RGPD4: variants seen among roughly 807,000 people sequenced by gnomAD.
RGPD4 encodes the protein RANBP2 like and GRIP domain containing 4.
Under a neutral mutation model 141.1 loss-of-function variants are expected in RGPD4, and 84 were observed. The observed-to-expected ratio is 0.60, with a 90% CI of 0.50 to 0.71. RGPD4 has a LOEUF of 0.71. Among genes scored for constraint, RGPD4 ranks in the 30% least tolerant of loss-of-function variants. The pLI is 0.00. For missense variants in RGPD4, 918 were observed against 1,622.4 expected, an observed-to-expected ratio of 0.57 and a Z score of 7.46; for synonymous variants, 298 against 566.8, an observed-to-expected ratio of 0.53 and a Z score of 6.74.
At chr2:107,880,158 G>C in intron 21 of RGPD4, 51 bp downstream of exon 21, 1 of 1,609,984 alleles carries the variant, frequency 6.2e-7, no homozygotes. Context: ...TGGTTTTCTG[G>C]ACCCTCCATA....
In RGPD4 at chr2:107,890,728, A is replaced by G. The variant is rs762994427; in HGVS notation, c.5274A>G (p.Glu1758=). Residue 1758 remains glutamate, a synonymous_variant, in exon 23 of 23, where the codon GAA becomes GAG. Transcript: ENST00000408999. ...GKLAAVAQGE[E] ...TTGTTTTACTTTCCAAAGGTGAGGA[A>G]TAAAATGCTTCCCGTTCTTCTGGAT... The G allele has an allele frequency of 1.9e-6, 3 of 1,603,440 alleles. No individual in the cohort carries two copies. Among genetic ancestry groups the G allele is most frequent in the Admixed American group, 3.5e-5 (2 of 57,678 alleles).
Position 107,871,275 on chromosome 2 carries a change from G to T in RGPD4, c.3271G>T (p.Glu1091Ter). ...GLGNLKILKN[E>*]VNGKPRMLMR... ...GGGGAACTTAAAAATTCTCAAAAAC[G>T]AGGTCAATGGCAAACCAAGAATGCT... is the stretch of plus-strand genomic sequence containing the variant. The change falls in exon 20 of 23, where the codon GAG (glutamate) becomes TAG (stop). Residue 1091 changes from glutamate (E) to a stop codon, truncating the protein, a stop_gained. Transcript: ENST00000408999. LOFTEE classifies it high-confidence loss of function. 6.2e-7 allele frequency: 1 copy of T among 1,607,632 alleles called. No individual in the cohort carries two copies. Among genetic ancestry groups the T allele is most frequent in the Non-Finnish European group, 8.5e-7 (1 of 1,179,362 alleles).
At chr2:107,858,721 TAC>T (rs1682427462) in intron 9 of RGPD4, among the ~76,000 whole-genome samples, 1 of 137,400 alleles carries the variant, frequency 7.3e-6, no homozygotes, top group African/African-American at 2.8e-5. Flanking sequence ...CAGATTTCTT[TAC>T]TGTACTGATG....
chr2:107,881,884 G>T (rs1180466063), intron 21 of RGPD4, among the ~76,000 whole-genome samples: 1 of 151,520 alleles, frequency 6.6e-6, no homozygotes, highest in Admixed American at 6.6e-5. Context: ...TTTTCACTGT[G>T]TCTGAACTTT....
chr2:107,860,798 A>T lies in RGPD4; in HGVS notation c.1791A>T (p.Arg597=). The part of the protein sequence containing the change: ...GSGLNSFYDQ[R]EYIGRSVHYW... Reference sequence around the variant, plus strand: ...GTCTTAATTCTTTTTATGATCAACGAGAATACATAGGGAGAAGTGTTCATT... The same window carrying T: ...GTCTTAATTCTTTTTATGATCAACGTGAATACATAGGGAGAAGTGTTCATT... The change falls in exon 13 of 23, where the codon CGA becomes CGT. Residue 597 remains arginine, a synonymous_variant. Coordinates refer to ENST00000408999, the MANE Select transcript of RGPD4 (RefSeq NM_182588.3). The T allele has an allele frequency of 6.2e-7, 1 of 1,610,146 alleles. No homozygotes were observed. Among genetic ancestry groups the T allele is most frequent in the South Asian group, 1.1e-5 (1 of 90,750 alleles).
At chr2:107,889,953 GA>G (rs1277058592) in intron 22 of RGPD4, among the ~76,000 whole-genome samples, 1 of 150,084 alleles carries the variant, frequency 6.7e-6, no homozygotes, top group Non-Finnish European at 1.5e-5. Context: ...GTTTAATAGA[GA>G]AAGACAATAA....
chr2:107,865,695 A>G (rs1444605853), intron 17 of RGPD4, among the ~76,000 whole-genome samples: 2 of 151,674 alleles, frequency 1.3e-5, no homozygotes, highest in Non-Finnish European at 2.9e-5. Context: ...ATGGGAGCAG[A>G]TAAATTTTTA....
At chr2:107,844,838 T>TTG (rs1258770279) in intron 6 of RGPD4, among the ~76,000 whole-genome samples, 8 of 93,676 alleles carry the variant, frequency 8.5e-5, no homozygotes, top group South Asian at 8.1e-4. Context: ...TTGTTTTTTT[T>TTG]TTTTTTTTTT....
At chr2:107,834,039 G>A (rs1387378547) in intron 1 of RGPD4, among the ~76,000 whole-genome samples, 2 of 150,890 alleles carry the variant, frequency 1.3e-5, no homozygotes, top group African/African-American at 2.4e-5. Flanking sequence ...AACAAGCCTT[G>A]TTCCTATACG....
rs1230180699 is a variant in RGPD4 at position 107,880,241 on chromosome 2, G to C, written c.5064+134G>C. On this transcript the variant is annotated intron_variant, in intron 21 of 22. Coordinates refer to ENST00000408999, the MANE Select transcript of RGPD4 (RefSeq NM_182588.3). ...GTCTTGATCTTTATATTAGATTCCT[G>C]ATGGTGAGAAATATTGCCTTTTTTT... 3.8e-6 allele frequency: 3 copies of C among 782,542 alleles called. No homozygotes were observed. The African/African-American group carries it at 5.9e-5, about 15-fold the overall frequency. The allele number at this position is 782,542 out of a possible 1,614,324, so 48.5% of individuals were successfully genotyped here.
intron 1 of RGPD4, 41 bp from the exon 2 acceptor site, chr2:107,836,561 A>G (rs1320281556): frequency 1.3e-6 from 2 of 1,494,310 alleles, no homozygotes; most frequent in East Asian, 4.6e-5. Context: ...GTTGGAAAAT[A>G]TTTCTGTATG....
rs1330973746 is a variant in RGPD4 at position 107,890,971 on chromosome 2, A to T, written c.*240A>T. On this transcript the variant is annotated 3_prime_UTR_variant, in exon 23 of 23. Coordinates refer to ENST00000408999, the MANE Select transcript of RGPD4 (RefSeq NM_182588.3). Reference sequence around the variant, plus strand: ...CTTGAAGTAAAAGTACAACAGCTTGAAGTATTGATACCAGGCCACAGCCCT... The same window carrying T: ...CTTGAAGTAAAAGTACAACAGCTTGTAGTATTGATACCAGGCCACAGCCCT... 19 of 613,058 alleles carry T rather than the reference A, an allele frequency of 3.1e-5. No homozygotes were observed. The highest frequency in any genetic ancestry group is 4.8e-5 in the Non-Finnish European group (17 of 354,756). The allele number at this position is 613,058 out of a possible 1,614,324, so 38.0% of individuals were successfully genotyped here.
intron 22 of RGPD4, among the ~76,000 whole-genome samples, chr2:107,887,495 T>G (rs978338645): frequency 1.3e-5 from 2 of 151,514 alleles, no homozygotes; most frequent in African/African-American, 2.4e-5. Context: ...TTGGGAAACA[T>G]TAGCTTAGGG....
At position 107,871,064 on chromosome 2, in the gene RGPD4, C is replaced by T. The variant is rs550884189; in HGVS notation, c.3060C>T (p.Asp1020=). The change falls in exon 20 of 23, where the codon GAC becomes GAT. Residue 1020 remains aspartate (D), a synonymous_variant. Transcript: ENST00000408999. ...CCAATAAAGCAAACACTTCCGGTGA[C>T]TTTGAGAAAGATGATGATGCCTATA... The part of the protein sequence containing the change: ...KMANKANTSG[D]FEKDDDAYKT... The T allele has an allele frequency of 1.2e-4, 191 of 1,611,110 alleles. 4 individuals carry two copies. The African/African-American group carries it at 2.2e-3, about 18-fold the overall frequency.
At chr2:107,854,731 G>C in intron 8 of RGPD4, 88 bp downstream of exon 8, 1 of 1,556,364 alleles carries the variant, frequency 6.4e-7, no homozygotes, top group African/African-American at 1.4e-5. Context: ...CATCTGTCCA[G>C]GAGATAATTT....
chr2:107,881,613 G>C (rs1184937123), intron 21 of RGPD4, among the ~76,000 whole-genome samples: 1 of 150,824 alleles, frequency 6.6e-6, no homozygotes, highest in East Asian at 1.9e-4. Context: ...ACCACGCCTG[G>C]CCAAATGTTA....
intron 20 of RGPD4, among the ~76,000 whole-genome samples, chr2:107,878,376 C>A (rs1683154014): frequency 6.9e-6 from 1 of 144,414 alleles, no homozygotes. Context: ...CACACTGTAA[C>A]CCGGGAAGAG....
chr2:107,826,985 C>G lies in RGPD4; in HGVS notation c.-29C>G, dbSNP rs776335225. ...GCTGCGGGGCTGAGCGCTGGTTTCACGCGTCTCGGGAGCCAGGTTGGTGGC... is the reference window on the plus strand; with the variant it reads ...GCTGCGGGGCTGAGCGCTGGTTTCAGGCGTCTCGGGAGCCAGGTTGGTGGC... On this transcript the variant is annotated 5_prime_UTR_variant, in exon 1 of 23. Transcript: ENST00000408999. 11 of 1,587,644 alleles carry G rather than the reference C, an allele frequency of 6.9e-6. No homozygotes were observed. In the Admixed American group the frequency reaches 7.1e-5, roughly 10 times the overall value.
At chr2:107,858,451 T>TTCTTTTCTTTTCTTTTCTTG (rs1182515002) in intron 9 of RGPD4, among the ~76,000 whole-genome samples, 1 of 83,948 alleles carries the variant, frequency 1.2e-5, no homozygotes, top group African/African-American at 4.0e-5. Flanking sequence ...TTCTTTTCTT[T>TTCTTTTCTTTTCTTTTCTTG]TTTTTGAGAC....
Sources: allele counts gnomAD v4.1 joint callset (sites outside exome capture counted in the v4.1 genomes callset), GRCh38; gene constraint gnomAD v4.1.1; transcripts MANE v1.5; gene names NCBI Gene and HGNC (gene_info 2026-07-23, HGNC 2026-07-21).